Variants in BPTF observed in about 807,000 individuals in gnomAD.
The protein encoded by BPTF is nucleosome-remodeling factor subunit BPTF.
A neutral mutation model predicts 292.5 loss-of-function variants in BPTF; 18 were observed. The ratio of observed to expected loss-of-function variants is 0.06; its 90% CI spans 0.04 to 0.09. BPTF has a LOEUF of 0.09. BPTF is among the 10% of genes least tolerant of loss of function. The pLI is 1.00. For missense variants in BPTF, 2,726 were observed against 3,498.7 expected, an observed-to-expected ratio of 0.78 and a Z score of 5.57; for synonymous variants, 1,225 against 1,251.9, an observed-to-expected ratio of 0.98 and a Z score of 0.45.
intron 2 of BPTF, among the ~76,000 whole-genome samples, chr17:67,858,237 A>G (rs1250238685): frequency 1.3e-5 from 2 of 152,240 alleles, no homozygotes; most frequent in African/African-American, 4.8e-5. Flanking sequence ...ATTTTAAGAA[A>G]TATGTGTAAA....
At chr17:67,864,863 G>A (rs1726039552) in intron 2 of BPTF, among the ~76,000 whole-genome samples, 1 of 151,690 alleles carries the variant, frequency 6.6e-6, no homozygotes, top group African/African-American at 2.4e-5. Flanking sequence ...AGAGTGAACT[G>A]GCGCGAACTC....
At position 67,874,804 on chromosome 17, in the gene BPTF, T is replaced by C. The variant is rs751904000; in HGVS notation, c.1661-13T>C. On this transcript the variant is annotated splice_polypyrimidine_tract_variant and intron_variant, in intron 3 of 27. Transcript: ENST00000306378. ...TATAGGAATAATTTTTTTGTTTGTTTTACACATTATAGAAGAAATTTTGGA... is the reference window on the plus strand; with the variant it reads ...TATAGGAATAATTTTTTTGTTTGTTCTACACATTATAGAAGAAATTTTGGA... The C allele has an allele frequency of 7.0e-6, 11 of 1,582,380 alleles. No homozygotes were observed. The South Asian group carries it at 1.1e-4, about 16-fold the overall frequency.
Position 67,911,044 on chromosome 17 carries a change from A to G in BPTF, c.3160A>G (p.Lys1054Glu). The change falls in exon 11 of 28, where the codon AAA becomes GAA. Residue 1054 changes from lysine (K) to glutamate (E), a missense_variant. Physicochemically the swap from Lys to Glu is moderately conservative, Grantham distance 56 (BLOSUM62 1). Coordinates refer to ENST00000306378, the MANE Select transcript of BPTF (RefSeq NM_182641.4). ...TCATCTAAGGACTAGTTACAAAAAG[A>G]AAACAAAATCATCCAAACTAGATGG... is the stretch of plus-strand genomic sequence containing the variant. ...GFHLRTSYKK[K>E]TKSSKLDGLL... 1 of 1,614,150 alleles carries G rather than the reference A, an allele frequency of 6.2e-7. No individual in the cohort carries two copies.
chr17:67,915,523 G>C (rs116518528), intron 11 of BPTF, among the ~76,000 whole-genome samples: 2,482 of 152,152 alleles, frequency 0.016, 63 homozygotes, highest in African/African-American at 0.052. Context: ...GCGCATTCTG[G>C]CTTCTGCCTT....
At chr17:67,963,214 C>G (rs1242114711) in intron 24 of BPTF, 8 of 1,207,138 alleles carry the variant, frequency 6.6e-6, no homozygotes, top group Non-Finnish European at 8.9e-6. Flanking sequence ...AAATGTTTAG[C>G]TGACTCATTG....
At chr17:67,888,589 CAAAAAA>C (rs776548348) in intron 4 of BPTF, among the ~76,000 whole-genome samples, 7 of 63,552 alleles carry the variant, frequency 1.1e-4, no homozygotes, top group Non-Finnish European at 1.7e-4. Flanking sequence ...GACTCCGTCT[CAAAAAA>C]AAAAAAAAAA....
intron 27 of BPTF, chr17:67,981,985 AT>A (rs2070446116): frequency 0.021 from 2 of 94 alleles, no homozygotes; most frequent in Admixed American, 0.33. Context: ...TATTAGACAA[AT>A]ATATATATAT....
At chr17:67,858,555 CAAAAAAAAAAAAA>C (rs561316267) in intron 2 of BPTF, among the ~76,000 whole-genome samples, 880 of 77,628 alleles carry the variant, frequency 0.011, 55 homozygotes, top group African/African-American at 0.055. Flanking sequence ...ACTCTGTCTC[CAAAAAAAAAAAAA>C]AAAAAAAAAA....
chr17:67,847,738 A>T (rs1365975879), intron 1 of BPTF, among the ~76,000 whole-genome samples: 1 of 152,074 alleles, frequency 6.6e-6, no homozygotes, highest in Non-Finnish European at 1.5e-5. Context: ...TTTTTATATT[A>T]TTACTGACAC....
At chr17:67,949,342 C>T (rs1023767254) in intron 23 of BPTF, among the ~76,000 whole-genome samples, 5 of 151,456 alleles carry the variant, frequency 3.3e-5, no homozygotes, top group Admixed American at 1.3e-4. Context: ...TCCAGGAAGC[C>T]GAGGCGGGTG....
At chr17:67,848,454 A>G (rs924859346) in intron 1 of BPTF, among the ~76,000 whole-genome samples, 1 of 152,222 alleles carries the variant, frequency 6.6e-6, no homozygotes, top group African/African-American at 2.4e-5. Context: ...ACAAAGTGTC[A>G]GAAGCACAGC....
Position 67,975,776 on chromosome 17 carries a change from T to G in BPTF, c.8544T>G (p.Leu2848=). The G allele has an allele frequency of 6.2e-7, 1 of 1,608,982 alleles. No individual in the cohort carries two copies. The highest frequency in any genetic ancestry group is 8.5e-7 in the Non-Finnish European group (1 of 1,178,596). The change falls in exon 27 of 28, where the codon CTT becomes CTG. Residue 2848 remains leucine, a synonymous_variant. Transcript: ENST00000306378. ...YYGVIKEPMD[L]ATMEERVQRR... is the part of the protein sequence containing the mutation. ...TTTACATTTTGTGTTTTTAAGACCT[T>G]GCCACCATGGAAGAAAGAGTACAAA...
chr17:67,860,029 T>C (rs1254388845), intron 2 of BPTF, among the ~76,000 whole-genome samples: 1 of 152,224 alleles, frequency 6.6e-6, no homozygotes, highest in African/African-American at 2.4e-5. Flanking sequence ...TCAATAAAAC[T>C]GTTCATTTAA....
Position 67,853,952 on chromosome 17 carries a change from C to T in BPTF, c.626C>T (p.Pro209Leu). 6.2e-7 allele frequency: 1 copy of T among 1,608,560 alleles called. No individual in the cohort carries two copies. The highest frequency in any genetic ancestry group is 8.5e-7 in the Non-Finnish European group (1 of 1,175,820). Residue 209 changes from proline to leucine, a missense_variant, in exon 2 of 28, where the codon CCA becomes CTA. Transcript: ENST00000306378. ...TCTTTATCTACAGGTAGGCGAAAAC[C>T]AAGAGTACATCGGCCTCGTTCTCCT... ...TYSSTPGRRK[P>L]RVHRPRSPIL...
At chr17:67,932,396 A>G (rs1254459633) in intron 18 of BPTF, among the ~76,000 whole-genome samples, 2 of 152,206 alleles carry the variant, frequency 1.3e-5, no homozygotes, top group African/African-American at 4.8e-5. Flanking sequence ...CATTAAAACT[A>G]CCATTTTAAA....
chr17:67,883,421 T>C (rs933519049), intron 4 of BPTF, among the ~76,000 whole-genome samples: 20 of 152,032 alleles, frequency 1.3e-4, no homozygotes, highest in African/African-American at 2.9e-4. Flanking sequence ...TAATAACTTT[T>C]AATTTTTTGA....
intron 3 of BPTF, among the ~76,000 whole-genome samples, chr17:67,867,024 A>C (rs1406764251): frequency 6.6e-6 from 1 of 152,258 alleles, no homozygotes; most frequent in African/African-American, 2.4e-5. Context: ...ACATTTAAAA[A>C]GGTAATACGT....
intron 4 of BPTF, chr17:67,886,413 T>G (rs1427147641): frequency 1.2e-6 from 1 of 833,652 alleles, no homozygotes; most frequent in African/African-American, 1.8e-5. Context: ...TTGTTTTTGT[T>G]TTTTAGTTTT....
intron 26 of BPTF, among the ~76,000 whole-genome samples, chr17:67,971,016 G>A (rs2148516100): frequency 6.6e-6 from 1 of 151,870 alleles, no homozygotes; most frequent in Admixed American, 6.6e-5. Flanking sequence ...CCAGCTGACT[G>A]CATCCTCGTC....
Sources: allele counts gnomAD v4.1 joint callset (sites outside exome capture counted in the v4.1 genomes callset), GRCh38; gene constraint gnomAD v4.1.1; transcripts MANE v1.5; gene names NCBI Gene and HGNC (gene_info 2026-07-23, HGNC 2026-07-21).